GFPT2: variants seen among roughly 807,000 people sequenced by gnomAD.
GFPT2 encodes the protein glutamine--fructose-6-phosphate aminotransferase [isomerizing] 2.
Under a neutral mutation model 85.6 loss-of-function variants are expected in GFPT2, and 62 were observed. That is an observed-to-expected ratio of 0.72 (90% CI 0.59 to 0.90). GFPT2 has a LOEUF of 0.90. GFPT2 is among the 40% of genes least tolerant of loss of function. GFPT2 has a pLI of 0.00. For synonymous variants in GFPT2, 368 were observed against 344.5 expected (o/e 1.07, Z -0.75); for missense variants, 788 against 893.4 (o/e 0.88, Z 1.50).
At chr5:180,332,820 T>G (rs1283814211) in intron 4 of GFPT2, among the ~76,000 whole-genome samples, 3 of 152,146 alleles carry the variant, frequency 2.0e-5, no homozygotes, top group South Asian at 4.1e-4. Context: ...GATTATAGGC[T>G]TGAGCCACTG....
At position 180,302,449 on chromosome 5, in the gene GFPT2, G is replaced by A. The variant is rs1349563654; in HGVS notation, c.1978C>T (p.His660Tyr). Residue 660 changes from histidine to tyrosine, a missense_variant, in exon 18 of 19, where the codon CAC becomes TAC. Transcript: ENST00000253778. ...SVIPLQLLSF[H>Y]LAVLRGYDVD... ...TCATATCCTCGGAGAACAGCCAGGT[G>A]GAAGGACAGCAGCTGCAGCGGAATC... is the stretch of plus-strand genomic sequence containing the variant. 3.1e-6 allele frequency: 5 copies of A among 1,613,838 alleles called. No homozygotes were observed. The highest frequency in any genetic ancestry group is 1.3e-5 in the African/African-American group (1 of 74,928).
intron 15 of GFPT2, among the ~76,000 whole-genome samples, chr5:180,310,863 A>T (rs868340018): frequency 1.7e-3 from 228 of 132,698 alleles, no homozygotes; most frequent in African/African-American, 6.0e-3. Flanking sequence ...AAAAAAAAAA[A>T]ATTTTTAGTA....
chr5:180,311,700 G>A (rs1009756550), intron 15 of GFPT2, among the ~76,000 whole-genome samples: 16 of 141,708 alleles, frequency 1.1e-4, no homozygotes, highest in African/African-American at 4.2e-4. Context: ...AGACAGGCCA[G>A]TCAACAGGTG....
intron 15 of GFPT2, among the ~76,000 whole-genome samples, chr5:180,310,949 G>C (rs752506264): frequency 6.6e-5 from 10 of 151,870 alleles, no homozygotes; most frequent in Admixed American, 3.3e-4. Flanking sequence ...ACCACATCTG[G>C]AGAACCACTG....
chr5:180,313,522 G>C lies in GFPT2; in HGVS notation c.1431+285C>G, dbSNP rs1284061767. On this transcript the variant is annotated intron_variant, in intron 14 of 18. Coordinates refer to ENST00000253778, the MANE Select transcript of GFPT2 (RefSeq NM_005110.4). ...GGAGAATGGCGTGAACCCGGGAGGC[G>C]GAGCTTGCAGTGAGCCGAGATCGCG... Among the ~76,000 whole-genome samples the C allele has an allele frequency of 2.0e-5, 3 of 151,442 alleles. No individual in the cohort carries two copies. The South Asian group carries it at 6.3e-4, about 32-fold the overall frequency.
chr5:180,340,438 T>TCAAGC (rs1764491676), intron 1 of GFPT2, among the ~76,000 whole-genome samples: 1 of 151,590 alleles, frequency 6.6e-6, no homozygotes, highest in African/African-American at 2.4e-5. Context: ...ACTCCCGACC[T>TCAAGC]CAGGTCATCC....
rs182984377 is a variant in GFPT2, at chr5:180,307,136, C to T, written c.1674+40G>A. 2.0e-3 allele frequency: 2,718 copies of T among 1,352,418 alleles called. 45 individuals are homozygous for T. The African/African-American group carries it at 0.035, about 17-fold the overall frequency. The allele number at this position is 1,352,418 out of a possible 1,614,324, so 83.8% of individuals were successfully genotyped here. A position where few individuals can be genotyped will look rare whatever the true frequency, so the allele number is the denominator to read the frequency against. On this transcript the variant is annotated intron_variant, in intron 16 of 18. Coordinates refer to ENST00000253778, the MANE Select transcript of GFPT2 (RefSeq NM_005110.4). ...GCTGGCTCCTCAGGGTCTCCTGTGC[C>T]TGTCCTCCGTGGGGGTGGGGGCTGG...
At chr5:180,314,034 T>C (rs1284521128) in intron 13 of GFPT2, 70 bp from the exon 14 acceptor site, 2 of 1,429,944 alleles carry the variant, frequency 1.4e-6, no homozygotes, top group African/African-American at 2.9e-5. Context: ...CCTTCCTCCT[T>C]CACCGCCGGC....
At position 180,323,999 on chromosome 5, in the gene GFPT2, C is replaced by G. The variant is rs1456271177; in HGVS notation, c.794+189G>C. ...CTTTGGCCACCAGGGCTGCCTACCA[C>G]AGTCATGCAGGTGCTCCTAGGACAA... On this transcript the variant is annotated intron_variant, in intron 9 of 18. Coordinates refer to ENST00000253778, the MANE Select transcript of GFPT2 (RefSeq NM_005110.4). The surrounding 1 kb of genome is among the most constrained non-coding windows in gnomAD (Gnocchi z 4.0). Among the ~76,000 whole-genome samples, 1 of 152,280 alleles carries G rather than the reference C, an allele frequency of 6.6e-6. No individual in the cohort carries two copies. The highest frequency in any genetic ancestry group is 1.5e-5 in the Non-Finnish European group (1 of 68,048).
At chr5:180,310,499 C>A (rs1054560569) in intron 15 of GFPT2, among the ~76,000 whole-genome samples, 1 of 151,690 alleles carries the variant, frequency 6.6e-6, no homozygotes, top group South Asian at 2.1e-4. Flanking sequence ...CAACCTCTGC[C>A]TCCTGGGTTC....
chr5:180,320,543 C>T (rs181582639), intron 9 of GFPT2, among the ~76,000 whole-genome samples: 2,604 of 152,060 alleles, frequency 0.017, 67 homozygotes, highest in African/African-American at 0.06. Flanking sequence ...GAGACCAAGG[C>T]GGGAAGATCA....
chr5:180,320,362 A>G (rs1329791831), intron 9 of GFPT2, among the ~76,000 whole-genome samples: 2 of 152,204 alleles, frequency 1.3e-5, no homozygotes, highest in African/African-American at 4.8e-5. Context: ...AGATCATAAT[A>G]CAAAGTATCT....
At chr5:180,312,672 T>C in intron 14 of GFPT2, 128 bp from the exon 15 acceptor site, 1 of 602,742 alleles carries the variant, frequency 1.7e-6, no homozygotes. Context: ...CACTGCAGCC[T>C]CAACCTCCTC....
At chr5:180,302,683 C>T in intron 17 of GFPT2, 99 bp from the exon 18 acceptor site, 2 of 928,316 alleles carry the variant, frequency 2.2e-6, no homozygotes, top group South Asian at 1.8e-5. Flanking sequence ...GTGATGAGAA[C>T]AGTCCTCTTT....
chr5:180,304,177 T>A (rs1178873738), intron 17 of GFPT2, among the ~76,000 whole-genome samples: 1 of 152,206 alleles, frequency 6.6e-6, no homozygotes, highest in Non-Finnish European at 1.5e-5. Context: ...TCTGGGGCCC[T>A]CAAACTAGGG....
intron 1 of GFPT2, among the ~76,000 whole-genome samples, chr5:180,339,719 C>T (rs1427249197): frequency 6.6e-6 from 1 of 152,200 alleles, no homozygotes; most frequent in African/African-American, 2.4e-5. Context: ...CACTTCAAAG[C>T]TCAGCTCCAG....
At chr5:180,329,060 C>A (rs572566409) in intron 6 of GFPT2, among the ~76,000 whole-genome samples, 1 of 152,336 alleles carries the variant, frequency 6.6e-6, no homozygotes, top group African/African-American at 2.4e-5. Context: ...GACTTAAATT[C>A]TTGGTGTAAA....
At chr5:180,317,318 C>T (rs1764029828) in intron 10 of GFPT2, among the ~76,000 whole-genome samples, 1 of 152,156 alleles carries the variant, frequency 6.6e-6, no homozygotes, top group African/African-American at 2.4e-5. Context: ...CCTGGCTGAT[C>T]CCTCTGGGCC....
chr5:180,347,414 G>A (rs1764629839), intron 1 of GFPT2, among the ~76,000 whole-genome samples: 1 of 152,136 alleles, frequency 6.6e-6, no homozygotes, highest in South Asian at 2.1e-4. Context: ...CTTCCAGACA[G>A]CCTTTCAGGG....
Sources: allele counts gnomAD v4.1 joint callset (sites outside exome capture counted in the v4.1 genomes callset), GRCh38; gene constraint gnomAD v4.1.1; non-coding constraint Gnocchi (gnomAD v3.1); transcripts MANE v1.5; gene names NCBI Gene and HGNC (gene_info 2026-07-23, HGNC 2026-07-21).